DNPEP: variants seen among roughly 807,000 people sequenced by gnomAD.
The protein encoded by DNPEP is aspartyl aminopeptidase.
DNPEP carries 46 observed loss-of-function variants against 59.1 expected under a neutral mutation model. That is an observed-to-expected ratio of 0.78 (90% CI 0.61 to 0.99). The LOEUF is 0.99. Among genes scored for constraint, DNPEP ranks in the 50% least tolerant of loss-of-function variants. The pLI is 0.00. For missense variants in DNPEP, 617 were observed against 649.9 expected (o/e 0.95, Z 0.55); for synonymous variants, 229 against 242.2 (o/e 0.95, Z 0.50).
chr2:219,387,837 C>A lies in DNPEP; in HGVS notation c.-43G>T. 6.5e-7 allele frequency: 1 copy of A among 1,549,450 alleles called. No individual in the cohort carries two copies. Among genetic ancestry groups the A allele is most frequent in the East Asian group, 2.5e-5 (1 of 40,070 alleles). On this transcript the variant is annotated 5_prime_UTR_variant, in exon 1 of 15. Transcript: ENST00000273075. ...CCCGCCCCCACCGCGCCGCCTGCCC[C>A]GCCCCTCACTAGCTTTGCAGGTCCC...
At chr2:219,399,194 A>G (rs1559347232) in intron 1 of DNPEP, among the ~76,000 whole-genome samples, 4 of 152,192 alleles carry the variant, frequency 2.6e-5, no homozygotes, top group South Asian at 2.1e-4. Context: ...AAGATAGGCA[A>G]TTCTGTTCTC....
chr2:219,376,929 T>C (rs1953396784), intron 13 of DNPEP, among the ~76,000 whole-genome samples: 1 of 152,040 alleles, frequency 6.6e-6, no homozygotes, highest in African/African-American at 2.4e-5. Context: ...CACCCAGATA[T>C]CATGTGTGTG....
chr2:219,384,655 G>A (rs1034546322), intron 8 of DNPEP: 18 of 430,628 alleles, frequency 4.2e-5, no homozygotes, highest in South Asian at 9.6e-5. Flanking sequence ...TGCAACTTCC[G>A]CCTCCCGGGT....
chr2:219,386,715 C>T lies in DNPEP; in HGVS notation c.283G>A (p.Gly95Ser). The T allele has an allele frequency of 6.2e-7, 1 of 1,613,132 alleles. No individual in the cohort carries two copies. The highest frequency in any genetic ancestry group is 8.5e-7 in the Non-Finnish European group (1 of 1,179,814). Residue 95 changes from glycine (G) to serine (S), a missense_variant, in exon 4 of 15, where the codon GGC (glycine) becomes AGC (serine). By Grantham distance (56) the Gly-to-Ser change is moderately conservative. Coordinates refer to ENST00000273075, the MANE Select transcript of DNPEP (RefSeq NM_012100.4). Reference sequence around the variant, plus strand: ...GCCCCGATGAGGCTGAAGCCATTGCCAGGAACGTACTGGCCCCCTACAGCA... The same window carrying T: ...GCCCCGATGAGGCTGAAGCCATTGCTAGGAACGTACTGGCCCCCTACAGCA... ...AFAVGGQYVP[G>S]NGFSLIGAHT... is the part of the protein sequence containing the mutation.
At chr2:219,385,184 T>G in intron 8 of DNPEP, 1 of 475,148 alleles carries the variant, frequency 2.1e-6, no homozygotes, top group Non-Finnish European at 3.8e-6. Flanking sequence ...GAAGAAACTC[T>G]TTGGGAATCT....
rs1215805466 is a variant in DNPEP at position 219,387,071 on chromosome 2, A to G, written c.129T>C (p.His43=). ...KFVNRSPSPF[H]AVAECRNRLL... ...TCCCTTGCCCTGGCCACCGCTTACC[A>G]TGGAAAGGAGAGGGACTCCGGTTCA... The change falls in exon 2 of 15, where the codon CAT becomes CAC. Residue 43 remains histidine, a splice_region_variant and synonymous_variant. Coordinates refer to ENST00000273075, the MANE Select transcript of DNPEP (RefSeq NM_012100.4). The G allele has an allele frequency of 2.5e-6, 4 of 1,605,732 alleles. No individual in the cohort carries two copies. Among genetic ancestry groups the G allele is most frequent in the Admixed American group, 3.4e-5 (2 of 58,598 alleles).
chr2:219,395,786 C>G (rs970932534), intron 1 of DNPEP, among the ~76,000 whole-genome samples: 1 of 152,230 alleles, frequency 6.6e-6, no homozygotes, highest in African/African-American at 2.4e-5. Flanking sequence ...TCCTCCTCTC[C>G]TAGCGCCAGT....
At position 219,382,043 on chromosome 2, in the gene DNPEP, C is replaced by T. The variant is rs1953623575; in HGVS notation, c.1033G>A (p.Glu345Lys). The T allele has an allele frequency of 6.2e-7, 1 of 1,614,196 alleles. No individual in the cohort carries two copies. Among genetic ancestry groups the T allele is most frequent in the East Asian group, 2.2e-5 (1 of 44,880 alleles). ...ASCQHPTAFE[E>K]AIPKSFMISA... ...ATCATGAAGGACTTGGGTATGGCTTCCTCGAAGGCTGTCGGGTGCTGGCAC... is the reference window on the plus strand; with the variant it reads ...ATCATGAAGGACTTGGGTATGGCTTTCTCGAAGGCTGTCGGGTGCTGGCAC... The change falls in exon 11 of 15, where the codon GAA (glutamate) becomes AAA (lysine). Residue 345 changes from glutamate (E) to lysine (K), a missense_variant. Physicochemically the swap from Glu to Lys is moderately conservative, Grantham distance 56. Coordinates refer to ENST00000273075, the MANE Select transcript of DNPEP (RefSeq NM_012100.4).
At chr2:219,398,034 C>T (rs986855198) in intron 1 of DNPEP, among the ~76,000 whole-genome samples, 6 of 152,194 alleles carry the variant, frequency 3.9e-5, no homozygotes, top group African/African-American at 1.4e-4. Flanking sequence ...CACACCTGGC[C>T]CAGAGAGCTA....
intron 10 of DNPEP, 60 bp from the exon 11 acceptor site, chr2:219,382,199 C>CA (rs1953633208): frequency 6.4e-7 from 1 of 1,561,286 alleles, no homozygotes; most frequent in African/African-American, 1.3e-5. Flanking sequence ...TCTTGGAAGC[C>CA]AGTGAGAGGG....
intron 6 of DNPEP, 55 bp downstream of exon 6, chr2:219,385,913 C>A: frequency 6.3e-7 from 1 of 1,598,998 alleles, no homozygotes; most frequent in Admixed American, 1.7e-5. Flanking sequence ...AGGTAATAAT[C>A]ACCTGGTACC....
At chr2:219,382,919 T>G (rs16825298) in intron 10 of DNPEP, among the ~76,000 whole-genome samples, 131,020 of 152,204 alleles carry the variant, frequency 0.86, 59,041 homozygotes, top group Non-Finnish European at 0.99. Flanking sequence ...GCTCACCATG[T>G]GGCACAAAGA....
At chr2:219,378,150 C>T (rs1953447911) in intron 13 of DNPEP, among the ~76,000 whole-genome samples, 1 of 152,150 alleles carries the variant, frequency 6.6e-6, no homozygotes, top group Non-Finnish European at 1.5e-5. Flanking sequence ...ATACATGTGT[C>T]CTACTTCTGC....
At chr2:219,383,475 CT>C (rs1202771434) in intron 9 of DNPEP, among the ~76,000 whole-genome samples, 2 of 146,944 alleles carry the variant, frequency 1.4e-5, no homozygotes, top group Admixed American at 6.8e-5. Flanking sequence ...TTTTTTTTCT[CT>C]TTTTTTCTTT....
chr2:219,399,479 G>T (rs1398196064), intron 1 of DNPEP: 1 of 465,786 alleles, frequency 2.1e-6, no homozygotes, highest in Non-Finnish European at 4.3e-6. Flanking sequence ...TGAGGCCCAG[G>T]GATCTCCACT....
At chr2:219,387,247 C>A (rs374212415) in intron 1 of DNPEP, 84 bp from the exon 2 acceptor site, 11 of 1,521,112 alleles carry the variant, frequency 7.2e-6, no homozygotes, top group Admixed American at 6.1e-5. Context: ...CCCATCCCCA[C>A]CCCCAGAAGT....
At chr2:219,388,857 C>T, upstream of DNPEP, 13 of 985,426 alleles carry the variant, frequency 1.3e-5, no homozygotes, top group Non-Finnish European at 1.6e-5. Flanking sequence ...CACAACTGCC[C>T]CATCAACTAT....
chr2:219,387,820 C>A lies in DNPEP; in HGVS notation c.-26G>T. ...CTGGCCTCCGGGCTCGGCCCGCCCC[C>A]ACCGCGCCGCCTGCCCCGCCCCTCA... On this transcript the variant is annotated 5_prime_UTR_variant, in exon 1 of 15. Coordinates refer to ENST00000273075, the MANE Select transcript of DNPEP (RefSeq NM_012100.4). 6.4e-7 allele frequency: 1 copy of A among 1,564,360 alleles called. No individual in the cohort carries two copies. The highest frequency in any genetic ancestry group is 8.6e-7 in the Non-Finnish European group (1 of 1,158,736).
intron 14 of DNPEP, 58 bp from the exon 15 acceptor site, chr2:219,374,400 T>C: frequency 1.3e-6 from 2 of 1,489,542 alleles, no homozygotes; most frequent in Non-Finnish European, 1.9e-6. Flanking sequence ...GGAGATGTCC[T>C]GCCACCCACC....
Sources: allele counts gnomAD v4.1 joint callset (sites outside exome capture counted in the v4.1 genomes callset), GRCh38; gene constraint gnomAD v4.1.1; transcripts MANE v1.5; gene names NCBI Gene and HGNC (gene_info 2026-07-23, HGNC 2026-07-21).